CCNY: variants seen among roughly 807,000 people sequenced by gnomAD.
CCNY encodes cyclin Y, also known as cyclin-Y.
A neutral mutation model predicts 42.8 loss-of-function variants in CCNY; 19 were observed. The observed-to-expected ratio is 0.44, with a 90% CI of 0.31 to 0.65. The LOEUF (loss-of-function observed/expected upper bound fraction) is 0.65. Among genes scored for constraint, CCNY ranks in the 30% least tolerant of loss-of-function variants. The probability of loss-of-function intolerance (pLI) is 0.07; values close to 1 mark genes in which losing one functional copy is unlikely to be tolerated. For missense variants in CCNY, 370 were observed against 437.3 expected (o/e 0.85, Z 1.37); for synonymous variants, 165 against 162.7 (o/e 1.01, Z -0.11).
In CCNY at chr10:35,267,058, G is replaced by T. The variant is rs529109769; in HGVS notation, c.-9+16432G>T. Among the ~76,000 whole-genome samples, 3 of 149,986 alleles carry T rather than the reference G, an allele frequency of 2.0e-5. No homozygotes were observed. In the East Asian group the frequency reaches 5.9e-4, roughly 29 times the overall value. On this transcript the variant is annotated intron_variant, in intron 3 of 11. Transcript: ENST00000374706. The stretch of plus-strand genomic sequence containing the variant: ...GATCGTGCCATTGCACTCCAGCCTG[G>T]TGGATAAGAGTGAGACTTCTGTCTC...
chr10:35,453,084 C>T (rs1366179964), intron 1 of CCNY, among the ~76,000 whole-genome samples: 1 of 152,202 alleles, frequency 6.6e-6, no homozygotes, highest in African/African-American at 2.4e-5. Flanking sequence ...AAGCATTCCT[C>T]TTGTCTCAGC....
intron 3 of CCNY, among the ~76,000 whole-genome samples, chr10:35,277,777 T>C (rs1835256063): frequency 1.3e-5 from 2 of 152,188 alleles, no homozygotes; most frequent in South Asian, 4.1e-4. Flanking sequence ...CATTTGTATG[T>C]TGCGGGCTGG....
At chr10:35,426,607 G>A (rs1838279644) in intron 1 of CCNY, among the ~76,000 whole-genome samples, 1 of 152,208 alleles carries the variant, frequency 6.6e-6, no homozygotes, top group African/African-American at 2.4e-5. Context: ...TTTTTAGAAT[G>A]TTATTAAAAT....
rs1258259466 is a variant in CCNY, at chr10:35,448,931, AG to A, written c.155-34469del. On this transcript the variant is annotated intron_variant, in intron 1 of 9. Transcript: ENST00000374704. ...GTGGGTTAGACCCTGAGGCATGTCA[AG>A]GGGCAAGGTCAGGGGATTTGCTGGT... Among the ~76,000 whole-genome samples, 7 of 152,142 alleles carry A rather than the reference AG, an allele frequency of 4.6e-5. No homozygotes were observed. In the East Asian group the frequency reaches 1.2e-3, roughly 25 times the overall value.
At chr10:35,433,261 C>T (rs1454302927) in intron 1 of CCNY, among the ~76,000 whole-genome samples, 5 of 152,112 alleles carry the variant, frequency 3.3e-5, no homozygotes, top group East Asian at 1.9e-4. Flanking sequence ...TATTGTAAAA[C>T]GTTTTGAATG....
At chr10:35,566,393 G>A (rs1841572804) in intron 9 of CCNY, 2 of 555,118 alleles carry the variant, frequency 3.6e-6, no homozygotes, top group Non-Finnish European at 6.2e-6. Flanking sequence ...CACCCAGCCT[G>A]GAGTACAGTG....
At chr10:35,490,279 A>G (rs1440589427) in intron 2 of CCNY, among the ~76,000 whole-genome samples, 4 of 152,224 alleles carry the variant, frequency 2.6e-5, no homozygotes, top group South Asian at 2.1e-4. Context: ...CAGTCAGTCA[A>G]ATCAGTCTTA....
intron 1 of CCNY, among the ~76,000 whole-genome samples, chr10:35,460,451 T>TACAC (rs57760757): frequency 0.38 from 57,570 of 150,744 alleles, 13,110 homozygotes; most frequent in Non-Finnish European, 0.51. Context: ...ATTGTATATG[T>TACAC]ACACACACAC....
intron 3 of CCNY, among the ~76,000 whole-genome samples, chr10:35,292,426 C>T (rs1426850287): frequency 1.3e-5 from 2 of 152,276 alleles, no homozygotes; most frequent in African/African-American, 2.4e-5. Context: ...TGCAGTGGCA[C>T]GATCTCGGCT....
intron 1 of CCNY, among the ~76,000 whole-genome samples, chr10:35,367,498 T>C (rs1293436404): frequency 6.6e-6 from 1 of 152,196 alleles, no homozygotes; most frequent in Non-Finnish European, 1.5e-5. Flanking sequence ...TAGGTAAAGG[T>C]CATTTCTTGT....
chr10:35,360,134 GA>G (rs561673326), intron 1 of CCNY, among the ~76,000 whole-genome samples: 27 of 152,282 alleles, frequency 1.8e-4, no homozygotes, highest in African/African-American at 6.5e-4. Context: ...CTCAGAAGTG[GA>G]ATTGCTGGAA....
chr10:35,345,605 C>T (rs1406527302), intron 1 of CCNY, among the ~76,000 whole-genome samples: 1 of 152,008 alleles, frequency 6.6e-6, no homozygotes, highest in Non-Finnish European at 1.5e-5. Context: ...TATTGATTTT[C>T]TTGTATTATA....
chr10:35,303,337 C>T (rs1231840886), intron 3 of CCNY, among the ~76,000 whole-genome samples: 2 of 150,326 alleles, frequency 1.3e-5, no homozygotes, highest in Non-Finnish European at 2.9e-5. Flanking sequence ...TGCACCATGA[C>T]GCCTGGCTAA....
At chr10:35,354,184 CTTTT>C (rs549476804) in intron 1 of CCNY, among the ~76,000 whole-genome samples, 2 of 131,486 alleles carry the variant, frequency 1.5e-5, no homozygotes, top group Middle Eastern at 3.5e-3. Context: ...CATACATAGT[CTTTT>C]TTTTTTTTTT....
Position 35,530,362 on chromosome 10 carries a change from C to A in CCNY, c.579+119C>A. ...CCTCACCAGGTTACCCTGTGGACAC[C>A]GTGGCATAAGCTTCAGTGTTGTCGT... On this transcript the variant is annotated intron_variant, in intron 7 of 9. Coordinates refer to ENST00000374704, the MANE Select transcript of CCNY (RefSeq NM_145012.6). This position sits in a 1 kb window ranked among gnomAD's most constrained non-coding sequence, Gnocchi z 4.3. 3 of 1,224,026 alleles carry A rather than the reference C, an allele frequency of 2.5e-6. No homozygotes were observed. The highest frequency in any genetic ancestry group is 2.3e-6 in the Non-Finnish European group (2 of 867,496). 75.8% of individuals were successfully genotyped at this position (1,224,026 alleles called of 1,614,324 possible).
In CCNY at chr10:35,569,102, G is replaced by A. The variant is rs78190560; in HGVS notation, c.958G>A (p.Ala320Thr). The A allele has an allele frequency of 1.0e-3, 1,661 of 1,613,136 alleles. 33 individuals are homozygous for A. The East Asian group carries it at 0.034, about 33-fold the overall frequency. The change falls in exon 10 of 10, where the codon GCG becomes ACG. Residue 320 changes from alanine to threonine, a missense_variant. Physicochemically the swap from Ala to Thr is moderately conservative, Grantham distance 58. Around this residue, in one of 2 missense-constraint regions of CCNY, gnomAD observed 234 missense variants for 313.1 expected, o/e 0.75. Coordinates refer to ENST00000374704, the MANE Select transcript of CCNY (RefSeq NM_145012.6). ...EDKYKDLRRS[A>T]RKRSASADNL... ...CAAGTACAAGGACCTAAGAAGATCC[G>A]CGAGGAAGCGCTCAGCCAGTGCAGA...
chr10:35,494,234 A>AGC (rs1554794873), intron 2 of CCNY, among the ~76,000 whole-genome samples: 1 of 109,790 alleles, frequency 9.1e-6, no homozygotes, highest in Non-Finnish European at 1.8e-5. Flanking sequence ...GCATAGTGAG[A>AGC]CCCCCCCCCC....
At chr10:35,559,246 G>A (rs1482691035) in intron 8 of CCNY, among the ~76,000 whole-genome samples, 1 of 152,230 alleles carries the variant, frequency 6.6e-6, no homozygotes, top group African/African-American at 2.4e-5. Flanking sequence ...GGTGATCCTT[G>A]TTAAAAAGTG....
At chr10:35,416,118 C>T (rs1352239431) in intron 1 of CCNY, among the ~76,000 whole-genome samples, 1 of 151,476 alleles carries the variant, frequency 6.6e-6, no homozygotes, top group Non-Finnish European at 1.5e-5. Context: ...CCGTGGGGTG[C>T]TGTTCAGTGC....
Sources: gnomAD v4.1 joint callset for allele counts (sites outside exome capture counted in the v4.1 genomes callset) on GRCh38, gnomAD v4.1.1 for gene constraint, gnomAD v4.1.1 regional missense constraint, Gnocchi (gnomAD v3.1) non-coding constraint, MANE v1.5 for transcripts, NCBI Gene and HGNC (gene_info 2026-07-23, HGNC 2026-07-21) for gene names.